Variants in LDB2 observed in about 807,000 individuals in gnomAD.
LDB2 encodes the protein LIM domain binding 2.
Under a neutral mutation model 44.3 loss-of-function variants are expected in LDB2, and 12 were observed. The observed-to-expected ratio is 0.27, with a 90% confidence interval of 0.17 to 0.44. The LOEUF (loss-of-function observed/expected upper bound fraction) is 0.44. LDB2 is among the 20% of genes least tolerant of loss of function. LDB2 has a pLI of 1.00. For synonymous variants in LDB2, 164 were observed against 174.8 expected (o/e 0.94, Z 0.49); for missense variants, 344 against 473.5 (o/e 0.73, Z 2.54).
At chr4:16,811,227 T>G (rs986616380) in intron 1 of LDB2, among the ~76,000 whole-genome samples, 1 of 152,182 alleles carries the variant, frequency 6.6e-6, no homozygotes, top group Non-Finnish European at 1.5e-5. Context: ...GGTTTATATT[T>G]CCTTTCATTT....
At chr4:16,766,691 A>G (rs1246600076) in intron 1 of LDB2, among the ~76,000 whole-genome samples, 1 of 151,650 alleles carries the variant, frequency 6.6e-6, no homozygotes, top group Non-Finnish European at 1.5e-5. Flanking sequence ...TTTTTAGTAG[A>G]GACAGGGTTT....
chr4:16,723,853 C>T (rs1244760614), intron 2 of LDB2, among the ~76,000 whole-genome samples: 1 of 152,098 alleles, frequency 6.6e-6, no homozygotes, highest in African/African-American at 2.4e-5. Context: ...TAAGAATCAA[C>T]ACCCTCCACT....
At chr4:16,611,119 T>G (rs1180847038) in intron 2 of LDB2, among the ~76,000 whole-genome samples, 5 of 152,108 alleles carry the variant, frequency 3.3e-5, no homozygotes, top group African/African-American at 1.2e-4. Flanking sequence ...CAAACTAAAC[T>G]TCATAAGTGA....
rs1342027468 is a variant in LDB2 at position 16,582,000 on chromosome 4, G to GGAAGGAAGGAAGGAA, written c.615+3921_615+3922insTTCCTTCCTTCCTTC. On this transcript the variant is annotated intron_variant, in intron 5 of 7. Coordinates refer to ENST00000304523, the MANE Select transcript of LDB2 (RefSeq NM_001290.5). ...GAAGGAAGGGAAGGAAGGGAAGGAAGGGAAGGAAGGAAGGAAGGAAGGAAG... is the reference window on the plus strand; with the variant it reads ...GAAGGAAGGGAAGGAAGGGAAGGAAGGAAGGAAGGAAGGAAGGAAGGAAGGAAGGAAGGAAGGAAG... Among the ~76,000 whole-genome samples, 10 of 103,900 alleles carry GGAAGGAAGGAAGGAA rather than the reference G, an allele frequency of 9.6e-5. No individual in the cohort carries two copies. The South Asian group carries it at 1.0e-3, about 11-fold the overall frequency. The allele number at this position is 103,900 out of a possible 152,430, so 68.2% of individuals were successfully genotyped here. A position where few individuals can be genotyped will look rare whatever the true frequency, so the allele number is the denominator to read the frequency against.
chr4:16,888,915 T>A, intron 1 of LDB2, among the ~76,000 whole-genome samples: 1 of 152,148 alleles, frequency 6.6e-6, no homozygotes, highest in East Asian at 1.9e-4. Context: ...TCTGTCTTAC[T>A]ATAAGTCATA....
intron 1 of LDB2, among the ~76,000 whole-genome samples, chr4:16,821,480 T>C (rs1781999368): frequency 6.7e-6 from 1 of 149,100 alleles, no homozygotes; most frequent in African/African-American, 2.5e-5. Context: ...ACCTCCCGGG[T>C]TCACGCCATT....
Position 16,508,556 on chromosome 4 carries a change from C to T in LDB2, c.870G>A (p.Leu290=), listed in dbSNP as rs929433448. The change falls in exon 7 of 8, where the codon CTG becomes CTA. Residue 290 remains leucine, a synonymous_variant. Coordinates refer to ENST00000304523, the MANE Select transcript of LDB2 (RefSeq NM_001290.5). ...GSKKKTTAAN[L]SLSSQVPDVM... is the part of the protein sequence containing the mutation. Reference sequence around the variant, plus strand: ...TTACAGGTACCTGACTGGACAGACTCAGGTTTGCAGCTGTGGTCTTCTTCT... The same window carrying T: ...TTACAGGTACCTGACTGGACAGACTTAGGTTTGCAGCTGTGGTCTTCTTCT... 9 of 1,601,466 alleles carry T rather than the reference C, an allele frequency of 5.6e-6. No homozygotes were observed. The highest frequency in any genetic ancestry group is 1.7e-4 in the Middle Eastern group (1 of 6,048).
chr4:16,642,386 A>G (rs1024090508), intron 2 of LDB2, among the ~76,000 whole-genome samples: 4 of 152,140 alleles, frequency 2.6e-5, no homozygotes, highest in Admixed American at 6.5e-5. Flanking sequence ...CTCCTAATGG[A>G]AAAAAATGTG....
chr4:16,652,562 G>A (rs1171603165), intron 2 of LDB2, among the ~76,000 whole-genome samples: 1 of 152,184 alleles, frequency 6.6e-6, no homozygotes, highest in African/African-American at 2.4e-5. Context: ...AGGCGGGGCT[G>A]TCCTGCACAG....
intron 5 of LDB2, among the ~76,000 whole-genome samples, chr4:16,584,843 A>T (rs1235788738): frequency 6.6e-6 from 1 of 152,252 alleles, no homozygotes; most frequent in East Asian, 1.9e-4. Context: ...GATGTTTATT[A>T]ATCTGTGTTA....
chr4:16,770,674 C>T lies in LDB2; in HGVS notation c.133-11414G>A, dbSNP rs563237028. On this transcript the variant is annotated intron_variant, in intron 1 of 7. Coordinates refer to ENST00000304523, the MANE Select transcript of LDB2 (RefSeq NM_001290.5). Reference sequence around the variant, plus strand: ...TTATTTCCATCCACAAAGCTTTACTCGCTGCCTGTTGCAATCTCTACTCTA... The same window carrying T: ...TTATTTCCATCCACAAAGCTTTACTTGCTGCCTGTTGCAATCTCTACTCTA... 1.4e-3 allele frequency among the ~76,000 whole-genome samples: 213 copies of T among 152,282 alleles called. 1 individual carries two copies. The highest frequency in any genetic ancestry group is 3.7e-3 in the Admixed American group (57 of 15,290).
At chr4:16,893,142 C>A in intron 1 of LDB2, 13 of 805,006 alleles carry the variant, frequency 1.6e-5, no homozygotes, top group Non-Finnish European at 2.0e-5. Flanking sequence ...TTTAAAACTG[C>A]ACTTTTGGTT....
chr4:16,887,753 T>C (rs930636427), intron 1 of LDB2, among the ~76,000 whole-genome samples: 4 of 152,118 alleles, frequency 2.6e-5, no homozygotes. Context: ...GATCTTACTT[T>C]ATAAAAGTTG....
chr4:16,858,903 C>T (rs1264122166), intron 1 of LDB2, among the ~76,000 whole-genome samples: 2 of 152,134 alleles, frequency 1.3e-5, no homozygotes, highest in African/African-American at 2.4e-5. Flanking sequence ...AAATATTTTG[C>T]TAATTGACAC....
At chr4:16,694,175 T>C (rs931293715) in intron 2 of LDB2, among the ~76,000 whole-genome samples, 28 of 152,230 alleles carry the variant, frequency 1.8e-4, no homozygotes, top group African/African-American at 6.8e-4. Context: ...CAGTTGGGAT[T>C]TGGTCCGCAC....
At chr4:16,681,728 G>A (rs1251527440) in intron 2 of LDB2, among the ~76,000 whole-genome samples, 1 of 145,660 alleles carries the variant, frequency 6.9e-6, no homozygotes, top group Non-Finnish European at 1.5e-5. Context: ...CCGCCACGAG[G>A]CCTGGCTCAT....
chr4:16,848,269 G>A (rs1787493084), intron 1 of LDB2, among the ~76,000 whole-genome samples: 2 of 152,156 alleles, frequency 1.3e-5, no homozygotes, highest in Admixed American at 6.5e-5. Context: ...ATGTAACATG[G>A]TTCTGTACAC....
At chr4:16,800,294 T>C (rs1174474996) in intron 1 of LDB2, among the ~76,000 whole-genome samples, 1 of 152,230 alleles carries the variant, frequency 6.6e-6, no homozygotes, top group Non-Finnish European at 1.5e-5. Context: ...TTCTTGTGTG[T>C]AGACATGCAT....
At chr4:16,581,411 G>A (rs1183141035) in intron 5 of LDB2, 13 of 984,966 alleles carry the variant, frequency 1.3e-5, no homozygotes, top group Non-Finnish European at 1.4e-5. Flanking sequence ...TGCTTGTCTT[G>A]ACCATGCTGT....
Sources: allele counts gnomAD v4.1 joint callset (sites outside exome capture counted in the v4.1 genomes callset), GRCh38; gene constraint gnomAD v4.1.1; transcripts MANE v1.5; gene names NCBI Gene and HGNC (gene_info 2026-07-23, HGNC 2026-07-21).